The following NPHS2 variants were observed in gnomAD, a reference collection of about 807,000 sequenced individuals.
NPHS2 encodes NPHS2 stomatin family member, podocin, also known as podocin.
A neutral mutation model predicts 37.1 loss-of-function variants in NPHS2; 36 were observed. That is an observed-to-expected ratio of 0.97 (90% CI 0.74 to 1.28). NPHS2 has a LOEUF of 1.28. Among genes scored for constraint, NPHS2 ranks in the 50% most tolerant of loss-of-function variants. The pLI, the probability that NPHS2 is intolerant of heterozygous loss-of-function variation, is 0.00. For synonymous variants in NPHS2, 196 were observed against 189.3 expected (o/e 1.04, Z -0.29); for missense variants, 447 against 488.1 (o/e 0.92, Z 0.79).
intron 4 of NPHS2, among the ~76,000 whole-genome samples, chr1:179,558,039 G>GT (rs976842054): frequency 7.9e-5 from 12 of 151,454 alleles, no homozygotes; most frequent in African/African-American, 1.2e-4. Context: ...ATTGGGGTGA[G>GT]TTTTTTTTCC....
chr1:179,575,333 A>T (rs1674715540), intron 1 of NPHS2, among the ~76,000 whole-genome samples: 1 of 152,012 alleles, frequency 6.6e-6, no homozygotes, highest in Admixed American at 6.6e-5. Flanking sequence ...CCCAACCTGT[A>T]CCACACTCGC....
chr1:179,560,388 A>G (rs67465658), intron 3 of NPHS2, among the ~76,000 whole-genome samples: 20,484 of 152,074 alleles, frequency 0.13, 2,357 homozygotes, highest in African/African-American at 0.32. Flanking sequence ...GCAAAAGCCA[A>G]AGCTTTGTTG....
Position 179,557,238 on chromosome 1 carries a change from G to GA in NPHS2, c.535-9dup, listed in dbSNP as rs765093478. On this transcript the variant is annotated splice_polypyrimidine_tract_variant and intron_variant, in intron 4 of 7. Coordinates refer to ENST00000367615, the MANE Select transcript of NPHS2 (RefSeq NM_014625.4). ...CATGTCTTTGGTCACGATCTAGGCA[G>GA]AAAAAAGTTTGGATGACAGGCTTGA... 1.9e-6 allele frequency: 3 copies of GA among 1,613,264 alleles called. No individual in the cohort carries two copies. The highest frequency in any genetic ancestry group is 2.2e-5 in the South Asian group (2 of 91,050).
intron 2 of NPHS2, 92 bp from the exon 3 acceptor site, chr1:179,561,453 T>A (rs890512697): frequency 1.9e-6 from 2 of 1,035,164 alleles, no homozygotes; most frequent in Non-Finnish European, 2.9e-6. Flanking sequence ...TATCAGAAAT[T>A]TTTTGTTTTG....
Position 179,556,907 on chromosome 1 carries a change from T to C in NPHS2, c.738+120A>G, listed in dbSNP as rs1673951894. ...GGCAACCTCCTAACTAGCTATGAGC[T>C]CCCAAAGGGATGGCCCCTAAGGGAT... is the stretch of plus-strand genomic sequence containing the variant. On this transcript the variant is annotated intron_variant, in intron 5 of 7. Coordinates refer to ENST00000367615, the MANE Select transcript of NPHS2 (RefSeq NM_014625.4). The surrounding 1 kb of genome is among the most constrained non-coding windows in gnomAD (Gnocchi z 4.1). 1.1e-6 allele frequency: 1 copy of C among 944,098 alleles called. No individual in the cohort carries two copies. Among genetic ancestry groups the C allele is most frequent in the Middle Eastern group, 3.0e-4 (1 of 3,334 alleles). 58.5% of individuals were successfully genotyped at this position (944,098 alleles called of 1,614,324 possible).
In NPHS2 at chr1:179,575,604, C is replaced by T; in HGVS notation, c.261G>A (p.Glu87=). 6.2e-7 allele frequency: 1 copy of T among 1,602,176 alleles called. No homozygotes were observed. Among genetic ancestry groups the T allele is most frequent in the Non-Finnish European group, 8.5e-7 (1 of 1,179,874 alleles). The change falls in exon 1 of 8, where the codon GAG becomes GAA. Residue 87 remains glutamate, a synonymous_variant. Transcript: ENST00000367615. ...GTEVVALLES[E]RPEEGTKSSG... is the part of the protein sequence containing the mutation. ...CTGAATCCGTACCTTCCTCGGGCCGCTCGCTCTCCAACAGCGCCACCACCT... is the reference window on the plus strand; with the variant it reads ...CTGAATCCGTACCTTCCTCGGGCCGTTCGCTCTCCAACAGCGCCACCACCT...
At position 179,557,067 on chromosome 1, in the gene NPHS2, T is replaced by A; in HGVS notation, c.698A>T (p.Glu233Val). Residue 233 changes from glutamate (E) to valine (V), a missense_variant, in exon 5 of 8, where the codon GAA becomes GTA. Physicochemically the swap from Glu to Val is moderately radical, Grantham distance 121. Coordinates refer to ENST00000367615, the MANE Select transcript of NPHS2 (RefSeq NM_014625.4). ...GATGCTCTTCCTCTCTAGAAGAATT[T>A]CAGTGAGGGATCGATGTGCTAGGAG... ...KRLLAHRSLT[E>V]ILLERKSIAQ... The A allele has an allele frequency of 6.2e-7, 1 of 1,614,040 alleles. No individual in the cohort carries two copies.
In NPHS2 at chr1:179,565,283, A is replaced by T. The variant is rs529737496; in HGVS notation, c.275-490T>A. Reference sequence around the variant, plus strand: ...AGCTAGATCTTGTCTCAAAAATAAAATAAAAAAGAAAGGGAGTGGGGGTAT... The same window carrying T: ...AGCTAGATCTTGTCTCAAAAATAAATTAAAAAAGAAAGGGAGTGGGGGTAT... On this transcript the variant is annotated intron_variant, in intron 1 of 7. Coordinates refer to ENST00000367615, the MANE Select transcript of NPHS2 (RefSeq NM_014625.4). Among the ~76,000 whole-genome samples the T allele has an allele frequency of 4.6e-5, 7 of 152,254 alleles. No individual in the cohort carries two copies. In the South Asian group the frequency reaches 1.5e-3, roughly 32 times the overall value.
chr1:179,558,992 T>C (rs1215600057), intron 4 of NPHS2, among the ~76,000 whole-genome samples: 2 of 152,130 alleles, frequency 1.3e-5, no homozygotes, highest in African/African-American at 4.8e-5. Context: ...ATCATACATA[T>C]ATATGTACAC....
rs1673938464 is a variant in NPHS2 at position 179,556,565 on chromosome 1, G to T, written c.738+462C>A. On this transcript the variant is annotated intron_variant, in intron 5 of 7. Transcript: ENST00000367615. The surrounding 1 kb of genome is among the most constrained non-coding windows in gnomAD (Gnocchi z 4.1). ...TGGATTGGGTAATTCATCATGTAAAGGTCTATGACATCTTAGCTTTTGTTA... is the reference window on the plus strand; with the variant it reads ...TGGATTGGGTAATTCATCATGTAAATGTCTATGACATCTTAGCTTTTGTTA... 6.6e-6 allele frequency among the ~76,000 whole-genome samples: 1 copy of T among 152,158 alleles called. No homozygotes were observed. Among genetic ancestry groups the T allele is most frequent in the Non-Finnish European group, 1.5e-5 (1 of 68,028 alleles).
intron 5 of NPHS2, 150 bp from the exon 6 acceptor site, chr1:179,554,681 G>A (rs1673810266): frequency 9.5e-7 from 1 of 1,053,522 alleles, no homozygotes; most frequent in Non-Finnish European, 1.4e-6. Flanking sequence ...ACAGTGCCTT[G>A]CAAAGAGTTG....
chr1:179,568,959 C>T (rs1446288192), intron 1 of NPHS2, among the ~76,000 whole-genome samples: 4 of 152,216 alleles, frequency 2.6e-5, no homozygotes, highest in African/African-American at 9.6e-5. Flanking sequence ...CTGAGGAGTG[C>T]TTTACTTCCA....
At chr1:179,571,123 AC>A (rs1430351863) in intron 1 of NPHS2, among the ~76,000 whole-genome samples, 1 of 152,116 alleles carries the variant, frequency 6.6e-6, no homozygotes, top group African/African-American at 2.4e-5. Flanking sequence ...AGGAGCTGCA[AC>A]CTTTTGGTTT....
chr1:179,555,911 G>C (rs535616890), intron 5 of NPHS2, among the ~76,000 whole-genome samples: 1 of 152,300 alleles, frequency 6.6e-6, no homozygotes, highest in East Asian at 1.9e-4. Flanking sequence ...TGCTATGGAG[G>C]TTGTAGTCTG....
rs1220415614 is a variant in NPHS2 at position 179,559,747 on chromosome 1, A to C, written c.466T>G (p.Leu156Val). 1 of 1,583,838 alleles carries C rather than the reference A, an allele frequency of 6.3e-7. No homozygotes were observed. Among genetic ancestry groups the C allele is most frequent in the African/African-American group, 1.3e-5 (1 of 74,120 alleles). Residue 156 changes from leucine (L) to valine (V), a missense_variant, in exon 4 of 8, where the codon TTG (leucine) becomes GTG (valine). Transcript: ENST00000367615. ...RAKGPGLFFF[L>V]PCLDTYHKVD... Reference sequence around the variant, plus strand: ...TTGTGGTAGGTATCCAGGCAGGGCAAAAAAAAGAAAAGACCTAAAAGAGAG... The same window carrying C: ...TTGTGGTAGGTATCCAGGCAGGGCACAAAAAAGAAAAGACCTAAAAGAGAG...
At chr1:179,568,922 G>T (rs1029405209) in intron 1 of NPHS2, among the ~76,000 whole-genome samples, 1 of 152,174 alleles carries the variant, frequency 6.6e-6, no homozygotes, top group South Asian at 2.1e-4. Context: ...GAGACAGTTT[G>T]TTGTGATTTC....
At chr1:179,561,418 G>T in intron 2 of NPHS2, 57 bp from the exon 3 acceptor site, 1 of 1,352,552 alleles carries the variant, frequency 7.4e-7, no homozygotes, top group Non-Finnish European at 1.1e-6. Flanking sequence ...TCTTCAAAAG[G>T]CCTTGGCATA....
rs1182652148 is a variant in NPHS2, at chr1:179,551,418, C to G, written c.907G>C (p.Glu303Gln). Residue 303 changes from glutamate to glutamine, a missense_variant, in exon 8 of 8, where the codon GAG becomes CAG. Transcript: ENST00000367615. ...ATCTCAGCTGCCATCCTCAGGGACT[C>G]AGAAGCAGCCTTTTCCGCTTCTGCA... ...IAAEAEKAASESLRMAAEILS... is the reference protein window; with the variant it reads ...IAAEAEKAASQSLRMAAEILS... The G allele has an allele frequency of 6.2e-7, 1 of 1,613,924 alleles. No homozygotes were observed. Among genetic ancestry groups the G allele is most frequent in the Non-Finnish European group, 8.5e-7 (1 of 1,180,024 alleles).
rs1410592 is a variant in NPHS2, at chr1:179,551,371, G to A, written c.954C>T (p.Ala318=). The A allele has an allele frequency of 0.62, 996,826 of 1,613,796 alleles. 308,950 individuals are homozygous for A. Among genetic ancestry groups the A allele is most frequent in the Admixed American group, 0.66 (39,405 of 60,000 alleles). ...AAEILSGTPA[A]VQLRYLHTLQ... ...GGGTGTGGAGGTATCGAAGCTGAAC[G>A]GCAGCAGGGGTGCCTGACAGAATCT... The change falls in exon 8 of 8, where the codon GCC becomes GCT. Residue 318 remains alanine, a synonymous_variant. Transcript: ENST00000367615.
Sources: allele counts gnomAD v4.1 joint callset (sites outside exome capture counted in the v4.1 genomes callset), GRCh38; gene constraint gnomAD v4.1.1; non-coding constraint Gnocchi (gnomAD v3.1); transcripts MANE v1.5; gene names NCBI Gene and HGNC (gene_info 2026-07-23, HGNC 2026-07-21).